IGFN1: variants seen among roughly 807,000 people sequenced by gnomAD.
IGFN1 encodes immunoglobulin like and fibronectin type III domain containing 1, also known as immunoglobulin-like and fibronectin type III domain-containing protein 1.
IGFN1 carries 253 observed loss-of-function variants against 289.5 expected under a neutral mutation model. The observed-to-expected ratio is 0.87, with a 90% CI of 0.79 to 0.97. The LOEUF (loss-of-function observed/expected upper bound fraction) is 0.97, where lower values mean the gene tolerates loss of function less well. IGFN1 is among the 50% of genes least tolerant of loss of function. IGFN1 has a pLI of 0.00. For synonymous variants in IGFN1, 1,706 were observed against 1,788.5 expected (o/e 0.95, Z 1.16); for missense variants, 4,470 against 4,686.1 (o/e 0.95, Z 1.35).
At position 201,215,844 on chromosome 1, in the gene IGFN1, A is replaced by G. The variant is rs770922778; in HGVS notation, c.9295+6A>G. 9 of 1,604,820 alleles carry G rather than the reference A, an allele frequency of 5.6e-6. No homozygotes were observed. The highest frequency in any genetic ancestry group is 3.4e-6 in the Non-Finnish European group (4 of 1,175,874). ...GCTCACTCTGCAAGTCATAGGTACC[A>G]GCCCTGTCTTCCCCCAACTAAGGCC... On this transcript the variant is annotated splice_donor_region_variant and intron_variant, in intron 15 of 23. Coordinates refer to ENST00000335211, the MANE Select transcript of IGFN1 (RefSeq NM_001164586.2).
At chr1:201,195,449 C>CG (rs1666876704) in intron 3 of IGFN1, among the ~76,000 whole-genome samples, 1 of 152,038 alleles carries the variant, frequency 6.6e-6, no homozygotes, top group Non-Finnish European at 1.5e-5. Context: ...CCTGCGCCTG[C>CG]CCGGAACTCA....
intron 18 of IGFN1, 130 bp from the exon 19 acceptor site, chr1:201,221,314 G>T: frequency 1.4e-6 from 1 of 714,098 alleles, no homozygotes; most frequent in Non-Finnish European, 2.2e-6. Context: ...GGTGCTTCAG[G>T]AAGAATCTAA....
At chr1:201,201,110 C>T (rs928476378) in intron 8 of IGFN1, among the ~76,000 whole-genome samples, 11 of 152,240 alleles carry the variant, frequency 7.2e-5, no homozygotes, top group Middle Eastern at 3.4e-3. Context: ...GGATTACAGG[C>T]GTGAGCCACC....
intron 8 of IGFN1, among the ~76,000 whole-genome samples, chr1:201,201,284 A>C (rs924490632): frequency 6.6e-6 from 1 of 152,214 alleles, no homozygotes; most frequent in Non-Finnish European, 1.5e-5. Context: ...AATGGAAAAC[A>C]ACTAGTTTTT....
rs1256935738 is a variant in IGFN1, at chr1:201,212,718, G to A, written c.7825G>A (p.Gly2609Ser). ...LDSGSMPGGR[G>S]KSTSGPADRQ... is the part of the protein sequence containing the mutation. ...CAGCGGCTCTATGCCTGGGGGAAGG[G>A]GCAAGTCAACATCAGGGCCTGCTGA... Residue 2609 changes from glycine (G) to serine (S), a missense_variant, in exon 12 of 24, where the codon GGC becomes AGC. By Grantham distance (56) the Gly-to-Ser change is moderately conservative. This residue lies in a region of IGFN1 where 2,218 missense variants were observed against 2,114.1 expected (regional missense o/e 1.05). Transcript: ENST00000335211. 6.4e-7 allele frequency: 1 copy of A among 1,550,896 alleles called. No homozygotes were observed. Among genetic ancestry groups the A allele is most frequent in the Admixed American group, 2.0e-5 (1 of 50,910 alleles).
At position 201,201,723 on chromosome 1, in the gene IGFN1, T is replaced by C; in HGVS notation, c.638T>C (p.Ile213Thr). 2 of 1,526,844 alleles carry C rather than the reference T, an allele frequency of 1.3e-6. No individual in the cohort carries two copies. The highest frequency in any genetic ancestry group is 1.8e-6 in the Non-Finnish European group (2 of 1,124,090). The allele number at this position is 1,526,844 out of a possible 1,614,324, so 94.6% of individuals were successfully genotyped here. A position where few individuals can be genotyped will look rare whatever the true frequency, so the allele number is the denominator to read the frequency against. Residue 213 changes from isoleucine to threonine, a missense_variant, in exon 9 of 24, where the codon ATC becomes ACC. Transcript: ENST00000335211. ...GGGTGTTTGTCTGCTTTGTAGTACA[T>C]CAACACCATCTCCAGCTTAAGACAC... ...KEQEDKMAQY[I>T]NTISSLRHIR...
Position 201,215,694 on chromosome 1 carries a change from G to A in IGFN1, c.9151G>A (p.Asp3051Asn), listed in dbSNP as rs1421506957. Reference sequence around the variant, plus strand: ...CGGGGCTGAGGTGGTGGGCAGCAGTGACAGGGAGGCCCAGGTGGACCTGGG... The same window carrying A: ...CGGGGCTGAGGTGGTGGGCAGCAGTAACAGGGAGGCCCAGGTGGACCTGGG... ...KDGAEVVGSS[D>N]REAQVDLGDG... Residue 3051 changes from aspartate to asparagine, a missense_variant, in exon 15 of 24, where the codon GAC becomes AAC. This residue lies in a region of IGFN1 where 2,218 missense variants were observed against 2,114.1 expected (regional missense o/e 1.05). Coordinates refer to ENST00000335211, the MANE Select transcript of IGFN1 (RefSeq NM_001164586.2). 4 of 1,613,672 alleles carry A rather than the reference G, an allele frequency of 2.5e-6. No homozygotes were observed. In the African/African-American group the frequency reaches 5.3e-5, roughly 22 times the overall value.
At position 201,213,263 on chromosome 1, in the gene IGFN1, T is replaced by C. The variant is rs760974931; in HGVS notation, c.8370T>C (p.Gly2790=). ...SLEAENGEVQ[G]PGALKEDEGQ... ...AGGCTGAGAATGGTGAGGTCCAGGG[T>C]CCTGGGGCCCTAAAGGAGGATGAAG... is the stretch of plus-strand genomic sequence containing the variant. Residue 2790 remains glycine (G), a synonymous_variant, in exon 12 of 24, where the codon GGT becomes GGC. Coordinates refer to ENST00000335211, the MANE Select transcript of IGFN1 (RefSeq NM_001164586.2). 14 of 1,552,534 alleles carry C rather than the reference T, an allele frequency of 9.0e-6. No individual in the cohort carries two copies. The highest frequency in any genetic ancestry group is 1.2e-5 in the Non-Finnish European group (14 of 1,147,574).
In IGFN1 at chr1:201,211,091, T is replaced by A; in HGVS notation, c.6198T>A (p.Asn2066Lys). 6.6e-7 allele frequency: 1 copy of A among 1,505,810 alleles called. No homozygotes were observed. Among genetic ancestry groups the A allele is most frequent in the African/African-American group, 1.4e-5 (1 of 70,496 alleles). 93.3% of individuals were successfully genotyped at this position (1,505,810 alleles called of 1,614,324 possible). Residue 2066 changes from asparagine to lysine, a missense_variant, in exon 12 of 24, where the codon AAT (asparagine) becomes AAA (lysine). Physicochemically the swap from Asn to Lys is moderately conservative, Grantham distance 94. This residue lies in a region of IGFN1 where 2,218 missense variants were observed against 2,114.1 expected (regional missense o/e 1.05). Transcript: ENST00000335211. ...GTTCTGTAGAAATGGGGTCAGTGAATGAGGCAGGTTATAGGAAGGATTTAG... is the reference window on the plus strand; with the variant it reads ...GTTCTGTAGAAATGGGGTCAGTGAAAGAGGCAGGTTATAGGAAGGATTTAG... ...LGSSVEMGSV[N>K]EAGYRKDLGA...
At position 201,197,215 on chromosome 1, in the gene IGFN1, C is replaced by A. The variant is rs776792121; in HGVS notation, c.268-3C>A. On this transcript the variant is annotated splice_region_variant and splice_polypyrimidine_tract_variant and intron_variant, in intron 4 of 23. Transcript: ENST00000335211. Reference sequence around the variant, plus strand: ...TGTTCCTCTGCCCTTGGCCTCTCTGCAGATCAACAAGCTGACAGGCGAGGA... The same window carrying A: ...TGTTCCTCTGCCCTTGGCCTCTCTGAAGATCAACAAGCTGACAGGCGAGGA... 29 of 1,546,250 alleles carry A rather than the reference C, an allele frequency of 1.9e-5. No individual in the cohort carries two copies. The highest frequency in any genetic ancestry group is 2.3e-5 in the Non-Finnish European group (26 of 1,142,304).
chr1:201,217,563 A>T lies in IGFN1; in HGVS notation c.9769+103A>T. The T allele has an allele frequency of 2.3e-6, 3 of 1,277,632 alleles. No individual in the cohort carries two copies. In the Middle Eastern group the frequency reaches 6.0e-4, roughly 253 times the overall value. The allele number at this position is 1,277,632 out of a possible 1,614,324, so 79.1% of individuals were successfully genotyped here. ...TGGTTTAATACAGTCGTTCTCGTCT[A>T]GGGTGGTTTGGCAACGTCTGGAGAT... is the stretch of plus-strand genomic sequence containing the variant. On this transcript the variant is annotated intron_variant, in intron 17 of 23. Coordinates refer to ENST00000335211, the MANE Select transcript of IGFN1 (RefSeq NM_001164586.2).
chr1:201,207,005 C>T lies in IGFN1; in HGVS notation c.2112C>T (p.Asp704=), dbSNP rs1479916501. 1 of 1,536,532 alleles carries T rather than the reference C, an allele frequency of 6.5e-7. No homozygotes were observed. ...SWGSQGGRDA[D]YGEARGYWGS... is the part of the protein sequence containing the mutation. ...GTTCTCAGGGAGGTAGAGATGCTGA[C>T]TATGGGGAAGCCAGGGGCTACTGGG... The change falls in exon 12 of 24, where the codon GAC becomes GAT. Residue 704 remains aspartate, a synonymous_variant. Coordinates refer to ENST00000335211, the MANE Select transcript of IGFN1 (RefSeq NM_001164586.2).
rs1398470709 is a variant in IGFN1, at chr1:201,193,329, A to G, written c.7+29A>G. ...AGAGAAGAACTAATCTCCCCTCCCCAGCCCTCCCTGGCGATCCTTACCAGG... is the reference window on the plus strand; with the variant it reads ...AGAGAAGAACTAATCTCCCCTCCCCGGCCCTCCCTGGCGATCCTTACCAGG... On this transcript the variant is annotated intron_variant, in intron 2 of 23. Coordinates refer to ENST00000335211, the MANE Select transcript of IGFN1 (RefSeq NM_001164586.2). 8 of 1,527,962 alleles carry G rather than the reference A, an allele frequency of 5.2e-6. No individual in the cohort carries two copies. In the South Asian group the frequency reaches 8.4e-5, roughly 16 times the overall value. 94.7% of individuals were successfully genotyped at this position (1,527,962 alleles called of 1,614,324 possible). A position where few individuals can be genotyped will look rare whatever the true frequency, so the allele number is the denominator to read the frequency against.
Position 201,216,437 on chromosome 1 carries a change from T to C in IGFN1, c.9296-17T>C. 3 of 1,529,470 alleles carry C rather than the reference T, an allele frequency of 2.0e-6. No homozygotes were observed. Among genetic ancestry groups the C allele is most frequent in the Non-Finnish European group, 2.6e-6 (3 of 1,143,542 alleles). 94.7% of individuals were successfully genotyped at this position (1,529,470 alleles called of 1,614,324 possible). A position where few individuals can be genotyped will look rare whatever the true frequency, so the allele number is the denominator to read the frequency against. Reference sequence around the variant, plus strand: ...CTCTGACCCCTCCTCTTCCCGCTCCTCTCTGTGGGTCCCCAGACAAGCCTG... The same window carrying C: ...CTCTGACCCCTCCTCTTCCCGCTCCCCTCTGTGGGTCCCCAGACAAGCCTG... On this transcript the variant is annotated splice_polypyrimidine_tract_variant and intron_variant, in intron 15 of 23. Coordinates refer to ENST00000335211, the MANE Select transcript of IGFN1 (RefSeq NM_001164586.2).
chr1:201,219,137 C>G (rs968703611), intron 18 of IGFN1, among the ~76,000 whole-genome samples: 8 of 152,240 alleles, frequency 5.3e-5, no homozygotes, highest in African/African-American at 1.9e-4. Flanking sequence ...AGCCCCCAAG[C>G]TGGCCCACCT....
rs1667746630 is a variant in IGFN1, at chr1:201,211,036, G to A, written c.6143G>A (p.Ser2048Asn). 1.3e-6 allele frequency: 2 copies of A among 1,500,776 alleles called. No homozygotes were observed. The highest frequency in any genetic ancestry group is 2.0e-5 in the Admixed American group (1 of 49,264). The allele number at this position is 1,500,776 out of a possible 1,614,324, so 93.0% of individuals were successfully genotyped here. The change falls in exon 12 of 24, where the codon AGT (serine) becomes AAT (asparagine). Residue 2048 changes from serine to asparagine, a missense_variant. By Grantham distance (46) the Ser-to-Asn change is conservative. Coordinates refer to ENST00000335211, the MANE Select transcript of IGFN1 (RefSeq NM_001164586.2). ...LGAPERIGSG[S>N]KAGFRDGLGS... ...GCTCCTGAGAGAATAGGTTCAGGAA[G>A]TAAGGCAGGTTTTAGGGATGGTTTA...
Position 201,200,253 on chromosome 1 carries a change from A to G in IGFN1, c.475A>G (p.Lys159Glu), listed in dbSNP as rs1490948429. The G allele has an allele frequency of 6.4e-7, 1 of 1,551,750 alleles. No homozygotes were observed. Among genetic ancestry groups the G allele is most frequent in the Non-Finnish European group, 8.7e-7 (1 of 1,146,934 alleles). The stretch of plus-strand genomic sequence containing the variant: ...GCTCCCCAGGGCCCCACCAGCCCCC[A>G]AGAAAAAGATGGACCTTGAGCAGAT... ...LLKKRAPPAP[K>E]KKMDLEQIWQ... The change falls in exon 8 of 24, where the codon AAG (lysine) becomes GAG (glutamate). Residue 159 changes from lysine (K) to glutamate (E), a missense_variant. Lys to Glu is a moderately conservative substitution (Grantham distance 56). Around this residue, in one of 8 missense-constraint regions of IGFN1, gnomAD observed 2,011 missense variants for 1,953.4 expected, o/e 1.03. Transcript: ENST00000335211.
Position 201,215,033 on chromosome 1 carries a change from C to T in IGFN1, c.8874C>T (p.Val2958=), listed in dbSNP as rs141238917. ...DGVKLTTQDG[V]IFKQDGLVHS... ...TCCAGCTCACCACCCAGGATGGAGT[C>T]ATCTTTAAGCAAGACGGTCTCGTGC... The change falls in exon 14 of 24, where the codon GTC becomes GTT. Residue 2958 remains valine, a synonymous_variant. Transcript: ENST00000335211. The T allele has an allele frequency of 1.2e-6, 2 of 1,614,018 alleles. No individual in the cohort carries two copies. Among genetic ancestry groups the T allele is most frequent in the Non-Finnish European group, 1.7e-6 (2 of 1,179,960 alleles).
chr1:201,209,915 T>C lies in IGFN1; in HGVS notation c.5022T>C (p.Tyr1674=), dbSNP rs1263056502. 1.6e-5 allele frequency: 23 copies of C among 1,463,262 alleles called. No homozygotes were observed. The African/African-American group carries it at 3.1e-4, about 20-fold the overall frequency. The allele number at this position is 1,463,262 out of a possible 1,614,324, so 90.6% of individuals were successfully genotyped here. ...GEMGSMDEAG[Y]RKNLGAPEGI... ...TGGGGTCAATGGATGAGGCAGGTTA[T>C]AGGAAGAATTTGGGGGCTCCTGAGG... The change falls in exon 12 of 24, where the codon TAT becomes TAC. Residue 1674 remains tyrosine, a synonymous_variant. Coordinates refer to ENST00000335211, the MANE Select transcript of IGFN1 (RefSeq NM_001164586.2).
Sources: gnomAD v4.1 joint callset for allele counts (sites outside exome capture counted in the v4.1 genomes callset) on GRCh38, gnomAD v4.1.1 for gene constraint, gnomAD v4.1.1 regional missense constraint, MANE v1.5 for transcripts, NCBI Gene and HGNC (gene_info 2026-07-23, HGNC 2026-07-21) for gene names.